Variants in TTC21A observed in about 807,000 individuals in gnomAD.
TTC21A encodes tetratricopeptide repeat protein 21A.
Under a neutral mutation model 156.4 loss-of-function variants are expected in TTC21A, and 128 were observed. The observed-to-expected ratio is 0.82, with a 90% confidence interval of 0.71 to 0.95. TTC21A has a LOEUF of 0.95. Among genes scored for constraint, TTC21A ranks in the 40% least tolerant of loss-of-function variants. The pLI is 0.00. For missense variants in TTC21A, 1,435 were observed against 1,602.3 expected (o/e 0.90, Z 1.78); for synonymous variants, 587 against 617.1 (o/e 0.95, Z 0.72).
intron 6 of TTC21A, among the ~76,000 whole-genome samples, chr3:39,116,493 G>T (rs1454689312): frequency 6.7e-6 from 1 of 148,980 alleles, no homozygotes; most frequent in East Asian, 2.0e-4. Context: ...CCTTTTTTTG[G>T]GGGGGAATGT....
intron 6 of TTC21A, among the ~76,000 whole-genome samples, chr3:39,115,397 A>G (rs2037199431): frequency 6.6e-6 from 1 of 152,230 alleles, no homozygotes; most frequent in Non-Finnish European, 1.5e-5. Context: ...ACAGTGGCTC[A>G]TGCCTGTAAT....
At position 39,126,300 on chromosome 3, in the gene TTC21A, C is replaced by T; in HGVS notation, c.1432C>T (p.Gln478Ter). Residue 478 changes from glutamine to a stop codon, truncating the protein, a stop_gained, in exon 12 of 29, where the codon CAA becomes TAA. Coordinates refer to ENST00000683103, the MANE Select transcript of TTC21A (RefSeq NM_001366900.1). LOFTEE classifies it high-confidence loss of function. The part of the protein sequence containing the change: ...PGQIVSPLLK[Q>*]VAVILNPVVK... The stretch of plus-strand genomic sequence containing the variant: ...CCAGATCGTGTCTCCACTTCTTAAA[C>T]AAGTCGCCGTGATCTTGAATCCTGT... 6.2e-7 allele frequency: 1 copy of T among 1,614,086 alleles called. No homozygotes were observed. Among genetic ancestry groups the T allele is most frequent in the Non-Finnish European group, 8.5e-7 (1 of 1,179,970 alleles).
At chr3:39,124,348 A>G (rs191300153) in intron 9 of TTC21A, among the ~76,000 whole-genome samples, 58 of 152,280 alleles carry the variant, frequency 3.8e-4, no homozygotes, top group African/African-American at 1.3e-3. Context: ...AAATATGACT[A>G]TCATATACAA....
chr3:39,128,302 G>C, intron 12 of TTC21A, 29 bp from the exon 13 acceptor site: 1 of 1,610,748 alleles, frequency 6.2e-7, no homozygotes, highest in Non-Finnish European at 8.5e-7. Flanking sequence ...TGGGAACCCT[G>C]CATGTAGAGG....
At chr3:39,138,674 T>C in intron 28 of TTC21A, 37 bp from the exon 29 acceptor site, 1 of 1,613,788 alleles carries the variant, frequency 6.2e-7, no homozygotes, top group African/African-American at 1.3e-5. Flanking sequence ...TGGGGAAACC[T>C]GCATGATACT....
At chr3:39,119,813 C>A (rs563855718) in intron 7 of TTC21A, 109 bp from the exon 8 acceptor site, 4 of 737,850 alleles carry the variant, frequency 5.4e-6, no homozygotes, top group Admixed American at 4.7e-5. Context: ...TGGGCATGGG[C>A]ATTTTTTAAA....
At chr3:39,111,147 C>T (rs942757685) in intron 4 of TTC21A, 130 bp downstream of exon 4, 16 of 1,005,370 alleles carry the variant, frequency 1.6e-5, no homozygotes, top group East Asian at 5.1e-5. Context: ...GGCAAAACAC[C>T]GGGTCTCACA....
chr3:39,108,983 G>A (rs972010035), intron 1 of TTC21A, 102 bp from the exon 2 acceptor site: 5 of 1,326,322 alleles, frequency 3.8e-6, no homozygotes, highest in Non-Finnish European at 5.2e-6. Context: ...CAGAACTGAG[G>A]AGGAGCAGGG....
chr3:39,128,662 C>A (rs1405427628), intron 13 of TTC21A, 55 bp from the exon 14 acceptor site: 1 of 1,588,746 alleles, frequency 6.3e-7, no homozygotes, highest in Admixed American at 1.7e-5. Flanking sequence ...CTGCTGTGAG[C>A]AGCAGCAGTA....
At chr3:39,114,504 G>T (rs2037109547) in intron 5 of TTC21A, 81 bp from the exon 6 acceptor site, 2 of 1,402,530 alleles carry the variant, frequency 1.4e-6, no homozygotes, top group Non-Finnish European at 2.0e-6. Context: ...TTTTCATGGA[G>T]ACACAGAGAC....
chr3:39,133,006 A>G (rs779945315), intron 19 of TTC21A, 46 bp from the exon 20 acceptor site: 6 of 1,595,432 alleles, frequency 3.8e-6, no homozygotes, highest in African/African-American at 1.3e-5. Context: ...GTGAACTGGT[A>G]TGTCAGGCTC....
At chr3:39,125,038 C>T (rs766651960) in intron 9 of TTC21A, 25 bp from the exon 10 acceptor site, 5 of 1,476,796 alleles carry the variant, frequency 3.4e-6, no homozygotes, top group South Asian at 1.1e-5. Context: ...GTTAGCTGCT[C>T]ATCATTGTTT....
rs999418143 is a variant in TTC21A, at chr3:39,135,188, T to C, written c.2944+14T>C. On this transcript the variant is annotated intron_variant, in intron 22 of 28. Coordinates refer to ENST00000683103, the MANE Select transcript of TTC21A (RefSeq NM_001366900.1). ...AGAAAGCGCCAGGTAATTCTGCCCA[T>C]GGAGACTGCCTGTACCAGTTCCCAC... 1 of 1,610,810 alleles carries C rather than the reference T, an allele frequency of 6.2e-7. No homozygotes were observed. Among genetic ancestry groups the C allele is most frequent in the Non-Finnish European group, 8.5e-7 (1 of 1,177,188 alleles).
chr3:39,131,357 A>G (rs1051382010), intron 19 of TTC21A, among the ~76,000 whole-genome samples: 2 of 152,226 alleles, frequency 1.3e-5, no homozygotes, highest in Non-Finnish European at 2.9e-5. Flanking sequence ...GATAGTAGAG[A>G]TAATAAGGAT....
intron 27 of TTC21A, 45 bp from the exon 28 acceptor site, chr3:39,138,511 A>C: frequency 6.2e-7 from 1 of 1,613,908 alleles, no homozygotes; most frequent in Non-Finnish European, 8.5e-7. Context: ...AGGGGTTCTC[A>C]GGTCACCAGG....
intron 9 of TTC21A, among the ~76,000 whole-genome samples, chr3:39,124,517 G>A (rs1280027737): frequency 4.6e-5 from 7 of 151,856 alleles, no homozygotes; most frequent in South Asian, 2.1e-4. Context: ...AAAATTAGCC[G>A]GGCGTGGTGG....
intron 13 of TTC21A, 34 bp from the exon 14 acceptor site, chr3:39,128,683 A>G (rs1043707166): frequency 1.2e-6 from 2 of 1,602,066 alleles, no homozygotes; most frequent in African/African-American, 2.7e-5. Context: ...GCAGCAGTGA[A>G]CTGGAGCCCC....
At chr3:39,111,668 T>C (rs561775902) in intron 4 of TTC21A, among the ~76,000 whole-genome samples, 1 of 152,304 alleles carries the variant, frequency 6.6e-6, no homozygotes, top group East Asian at 1.9e-4. Context: ...AATCTTACTC[T>C]TTATGTATAA....
chr3:39,111,077 A>G (rs546295825), intron 4 of TTC21A, 60 bp downstream of exon 4: 12 of 1,529,136 alleles, frequency 7.8e-6, no homozygotes, highest in Non-Finnish European at 9.7e-6. Context: ...ACATAATAGC[A>G]GGGTGGCCCT....
Sources: allele counts gnomAD v4.1 joint callset (sites outside exome capture counted in the v4.1 genomes callset), GRCh38; gene constraint gnomAD v4.1.1; transcripts MANE v1.5; gene names NCBI Gene and HGNC (gene_info 2026-07-23, HGNC 2026-07-21).